The following NTNG2 variants were observed in gnomAD, a reference collection of about 807,000 sequenced individuals.
NTNG2 encodes netrin G2.
Under a neutral mutation model 47.6 loss-of-function variants are expected in NTNG2, and 15 were observed. The observed-to-expected ratio is 0.32, with a 90% CI of 0.21 to 0.49. NTNG2 has a LOEUF of 0.49. Among genes scored for constraint, NTNG2 ranks in the 20% least tolerant of loss-of-function variants. NTNG2 has a pLI of 0.99. For synonymous variants in NTNG2, 307 were observed against 324.6 expected, an observed-to-expected ratio of 0.95 and a Z score of 0.58; for missense variants, 578 against 764.6, an observed-to-expected ratio of 0.76 and a Z score of 2.88.
chr9:132,167,991 G>C (rs1835620666), intron 2 of NTNG2, among the ~76,000 whole-genome samples: 1 of 152,240 alleles, frequency 6.6e-6, no homozygotes, highest in African/African-American at 2.4e-5. Context: ...TAGGGTCATT[G>C]TGAGGAGTTT....
At position 132,182,467 on chromosome 9, in the gene NTNG2, T is replaced by C. The variant is rs1054129775; in HGVS notation, c.213+15423T>C. On this transcript the variant is annotated intron_variant, in intron 2 of 7. Transcript: ENST00000393229. The surrounding 1 kb of genome is among the most constrained non-coding windows in gnomAD (Gnocchi z 4.2). The stretch of plus-strand genomic sequence containing the variant: ...GGGCACTGGAAGGAGGAGGCCCAAG[T>C]GGGTGGGGGGCTGGGTGGCCTTCCT... Among the ~76,000 whole-genome samples, 4 of 151,794 alleles carry C rather than the reference T, an allele frequency of 2.6e-5. No homozygotes were observed. The highest frequency in any genetic ancestry group is 9.7e-5 in the African/African-American group (4 of 41,326).
chr9:132,209,188 G>A (rs1475853952), intron 3 of NTNG2, among the ~76,000 whole-genome samples: 1 of 152,242 alleles, frequency 6.6e-6, no homozygotes, highest in African/African-American at 2.4e-5. Context: ...CGCTTCTCTT[G>A]GGTAAACACC....
Position 132,188,934 on chromosome 9 carries a change from G to T in NTNG2, c.214-9032G>T, listed in dbSNP as rs554748184. 3.9e-5 allele frequency among the ~76,000 whole-genome samples: 6 copies of T among 152,254 alleles called. No individual in the cohort carries two copies. The East Asian group carries it at 1.2e-3, about 29-fold the overall frequency. On this transcript the variant is annotated intron_variant, in intron 2 of 7. Transcript: ENST00000393229. ...CTCCAACAGAGAAGCTGAGGCTCTC[G>T]GGCAGGAGAAAGATCTTTTCCTCAC...
In NTNG2 at chr9:132,242,061, C is replaced by T. The variant is rs1193802257; in HGVS notation, c.1543C>T (p.Leu515=). 168 of 1,227,498 alleles carry T rather than the reference C, an allele frequency of 1.4e-4. No homozygotes were observed. The highest frequency in any genetic ancestry group is 1.3e-4 in the Non-Finnish European group (127 of 987,354). The allele number at this position is 1,227,498 out of a possible 1,614,324, so 76.0% of individuals were successfully genotyped here. The change falls in exon 8 of 8, where the codon CTG becomes TTG. Residue 515 remains leucine, a synonymous_variant. Coordinates refer to ENST00000393229, the MANE Select transcript of NTNG2 (RefSeq NM_032536.4). The surrounding 1 kb of genome is among the most constrained non-coding windows in gnomAD (Gnocchi z 5.9). ...APGAAPRPAT[L]LGCLLLLGLA... is the part of the protein sequence containing the mutation. ...CGGGGCCGCCCCGCGCCCCGCCACCCTGCTCGGCTGCCTGCTGCTGCTGGG... is the reference window on the plus strand; with the variant it reads ...CGGGGCCGCCCCGCGCCCCGCCACCTTGCTCGGCTGCCTGCTGCTGCTGGG...
chr9:132,183,834 AGTTG>A (rs981942716), intron 2 of NTNG2, among the ~76,000 whole-genome samples: 8 of 151,982 alleles, frequency 5.3e-5, no homozygotes, highest in Non-Finnish European at 1.0e-4. Context: ...GGTTTTGGTT[AGTTG>A]GTTGGTTAAT....
rs759200456 is a variant in NTNG2 at position 132,198,187 on chromosome 9, G to T, written c.435G>T (p.Arg145=). The change falls in exon 3 of 8, where the codon CGG becomes CGT. Residue 145 remains arginine, a synonymous_variant. Transcript: ENST00000393229. ...TGGTGATGACCTTCGAGTACGGCCG[G>T]CCCACGGTCATGGTCCTGGAGAAGT... ...DDVVMTFEYG[R]PTVMVLEKSL... is the part of the protein sequence containing the mutation. 6.8e-6 allele frequency: 11 copies of T among 1,613,522 alleles called. No homozygotes were observed. Among genetic ancestry groups the T allele is most frequent in the Non-Finnish European group, 9.3e-6 (11 of 1,180,034 alleles).
chr9:132,190,817 G>A (rs1837822024), intron 2 of NTNG2, among the ~76,000 whole-genome samples: 1 of 152,152 alleles, frequency 6.6e-6, no homozygotes, highest in African/African-American at 2.4e-5. Flanking sequence ...CTGTGTAGGA[G>A]GCTCCTCCTC....
chr9:132,223,005 T>G (rs1840454666), intron 3 of NTNG2, among the ~76,000 whole-genome samples: 1 of 152,028 alleles, frequency 6.6e-6, no homozygotes, highest in Non-Finnish European at 1.5e-5. Flanking sequence ...TCCCAGCTAC[T>G]CGGGAGGCTG....
chr9:132,212,931 AC>A (rs111376316), intron 3 of NTNG2, among the ~76,000 whole-genome samples: 13,327 of 151,392 alleles, frequency 0.088, 1,733 homozygotes, highest in African/African-American at 0.29. Flanking sequence ...ATCTCTCCCA[AC>A]CCCCCAAAGA....
chr9:132,214,232 C>G (rs1839812119), intron 3 of NTNG2, among the ~76,000 whole-genome samples: 1 of 152,250 alleles, frequency 6.6e-6, no homozygotes, highest in African/African-American at 2.4e-5. Flanking sequence ...CTCTCCAAAC[C>G]CCCCGCTCCT....
At chr9:132,164,160 T>A (rs1162344687) in intron 1 of NTNG2, among the ~76,000 whole-genome samples, 1 of 151,822 alleles carries the variant, frequency 6.6e-6, no homozygotes, top group Non-Finnish European at 1.5e-5. Flanking sequence ...CAACGCCCAA[T>A]TGATTGACTA....
rs949371811 is a variant in NTNG2, at chr9:132,243,687, T to G, written c.*1576T>G. ...ACCTGTTCTTTCCCAGCTGCGAGGTTTAGACCTGGGTCCTTCCCTTGAGTC... is the reference window on the plus strand; with the variant it reads ...ACCTGTTCTTTCCCAGCTGCGAGGTGTAGACCTGGGTCCTTCCCTTGAGTC... On this transcript the variant is annotated 3_prime_UTR_variant, in exon 8 of 8. Coordinates refer to ENST00000393229, the MANE Select transcript of NTNG2 (RefSeq NM_032536.4). 3.9e-5 allele frequency: 6 copies of G among 152,314 alleles called. No individual in the cohort carries two copies. The highest frequency in any genetic ancestry group is 2.0e-4 in the Admixed American group (3 of 15,282). The allele number at this position is 152,314 out of a possible 1,614,324, so 9.4% of individuals were successfully genotyped here.
chr9:132,226,849 G>C lies in NTNG2; in HGVS notation c.858G>C (p.Arg286Ser). The change falls in exon 4 of 8, where the codon AGG (arginine) becomes AGC (serine). Residue 286 changes from arginine to serine, a missense_variant and splice_region_variant. Coordinates refer to ENST00000393229, the MANE Select transcript of NTNG2 (RefSeq NM_032536.4). This position sits in a 1 kb window ranked among gnomAD's most constrained non-coding sequence, Gnocchi z 4.8. Reference protein sequence around the residue: ...YAISNIEVIGRCKCNLHANLC... With the variant: ...YAISNIEVIGSCKCNLHANLC... ...CTCTGCCCTCTCGGTGTCTCCCCAG[G>C]TGCAAGTGCAACCTGCACGCCAACC... is the stretch of plus-strand genomic sequence containing the variant. 1 of 1,597,232 alleles carries C rather than the reference G, an allele frequency of 6.3e-7. No individual in the cohort carries two copies. The highest frequency in any genetic ancestry group is 2.3e-5 in the East Asian group (1 of 44,030).
At chr9:132,181,322 C>CTTT (rs781556504) in intron 2 of NTNG2, among the ~76,000 whole-genome samples, 1 of 130,656 alleles carries the variant, frequency 7.7e-6, no homozygotes. Flanking sequence ...GGCTCACTTT[C>CTTT]TTTTTTTTTT....
rs990801016 is a variant in NTNG2, at chr9:132,236,403, C to G, written c.1055-2701C>G. On this transcript the variant is annotated intron_variant, in intron 5 of 7. Coordinates refer to ENST00000393229, the MANE Select transcript of NTNG2 (RefSeq NM_032536.4). This position sits in a 1 kb window ranked among gnomAD's most constrained non-coding sequence, Gnocchi z 4.3. ...TGCCAAGGAAACGCGCAGGCCTGCC[C>G]GACTCTCCAGAAGGGAAATTGTCCC... 1.3e-5 allele frequency among the ~76,000 whole-genome samples: 2 copies of G among 152,188 alleles called. No individual in the cohort carries two copies. Among genetic ancestry groups the G allele is most frequent in the Non-Finnish European group, 1.5e-5 (1 of 68,034 alleles).
intron 3 of NTNG2, among the ~76,000 whole-genome samples, chr9:132,203,965 G>A (rs1167647471): frequency 2.6e-5 from 4 of 152,228 alleles, no homozygotes; most frequent in Non-Finnish European, 5.9e-5. Flanking sequence ...GGTGGTGTTT[G>A]TGGGAGATGA....
At chr9:132,188,916 A>T (rs62577491) in intron 2 of NTNG2, among the ~76,000 whole-genome samples, 16,321 of 152,186 alleles carry the variant, frequency 0.11, 920 homozygotes, top group Middle Eastern at 0.16. Context: ...CCCCTCCAAC[A>T]GAGAAGCTGA....
At chr9:132,214,503 C>T (rs777396453) in intron 3 of NTNG2, among the ~76,000 whole-genome samples, 3 of 152,244 alleles carry the variant, frequency 2.0e-5, no homozygotes, top group Non-Finnish European at 4.4e-5. Context: ...AGGCCCGGTG[C>T]TGCCTACTAA....
chr9:132,199,390 G>T (rs989628704), intron 3 of NTNG2, among the ~76,000 whole-genome samples: 4 of 152,196 alleles, frequency 2.6e-5, no homozygotes, highest in Non-Finnish European at 4.4e-5. Context: ...ATTAAAATCA[G>T]CAACAGGAAA....
Sources: gnomAD v4.1 joint callset for allele counts (sites outside exome capture counted in the v4.1 genomes callset) on GRCh38, gnomAD v4.1.1 for gene constraint, Gnocchi (gnomAD v3.1) non-coding constraint, MANE v1.5 for transcripts, NCBI Gene and HGNC (gene_info 2026-07-23, HGNC 2026-07-21) for gene names.